CHST6: variants seen among roughly 807,000 people sequenced by gnomAD.
The protein encoded by CHST6 is N-acetylglucosamine 6-O-sulfotransferase 5.
For synonymous variants in CHST6, 309 were observed against 276.4 expected (o/e 1.12, Z -1.17); for missense variants, 698 against 586.2 (o/e 1.19, Z -1.97).
In CHST6 at chr16:75,488,309, C is replaced by T. The variant is rs142505176; in HGVS notation, c.-91-6418G>A. The stretch of plus-strand genomic sequence containing the variant: ...TGAAACCTCGTCTCTACTAAAAATA[C>T]AAAAATTAGCCACCATGGTGGCAGG... On this transcript the variant is annotated intron_variant, in intron 1 of 2. Transcript: ENST00000332272. Among the ~76,000 whole-genome samples, 742 of 151,826 alleles carry T rather than the reference C, an allele frequency of 4.9e-3. 9 individuals carry two copies. Among genetic ancestry groups the T allele is most frequent in the African/African-American group, 0.017 (713 of 41,400 alleles).
rs2080103895 is a variant in CHST6 at position 75,479,115 on chromosome 16, G to T, written c.714C>A (p.Gly238=). 1.9e-6 allele frequency: 3 copies of T among 1,605,182 alleles called. No individual in the cohort carries two copies. The East Asian group carries it at 6.7e-5, about 36-fold the overall frequency. Residue 238 remains glycine (G), a synonymous_variant, in exon 3 of 3, where the codon GGC becomes GGA. Coordinates refer to ENST00000332272, the MANE Select transcript of CHST6 (RefSeq NM_021615.5). Reference sequence around the variant, plus strand: ...GGCACACCTCGCGCACCACGCGCAGGCCGGGGTCGGCCTCCACCCACGTGC... The same window carrying T: ...GGCACACCTCGCGCACCACGCGCAGTCCGGGGTCGGCCTCCACCCACGTGC... The part of the protein sequence containing the change: ...TNGTWVEADP[G]LRVVREVCRS...
chr16:75,490,797 T>G (rs2080245009), intron 1 of CHST6: 1 of 152,246 alleles, frequency 6.6e-6, no homozygotes, highest in East Asian at 1.9e-4. Flanking sequence ...CATGAAAACC[T>G]GCTCATGAAT....
chr16:75,474,433 C>A lies in CHST6; in HGVS notation c.*4208G>T, dbSNP rs866698531. 7 of 391,054 alleles carry A rather than the reference C, an allele frequency of 1.8e-5. No individual in the cohort carries two copies. The highest frequency in any genetic ancestry group is 8.9e-5 in the Admixed American group (2 of 22,484). The allele number at this position is 391,054 out of a possible 1,614,324, so 24.2% of individuals were successfully genotyped here. ...AGGACTACAGGTGCACGACACCATG[C>A]CCTGCTAATTTTTTTTTAACTTTGT... On this transcript the variant is annotated 3_prime_UTR_variant, in exon 3 of 3. Coordinates refer to ENST00000332272, the MANE Select transcript of CHST6 (RefSeq NM_021615.5).
rs963751862 is a variant in CHST6 at position 75,479,978 on chromosome 16, A to G, written c.-16-134T>C. 7 of 740,952 alleles carry G rather than the reference A, an allele frequency of 9.4e-6. No homozygotes were observed. In the African/African-American group the frequency reaches 1.2e-4, roughly 13 times the overall value. 45.9% of individuals were successfully genotyped at this position (740,952 alleles called of 1,614,324 possible). A position where few individuals can be genotyped will look rare whatever the true frequency, so the allele number is the denominator to read the frequency against. ...CATGAACATGATGGTCTCAGTGGGG[A>G]GCTCTCCCGGAAATGTGGCCTTAAG... On this transcript the variant is annotated intron_variant, in intron 2 of 2. Transcript: ENST00000332272.
rs763660246 is a variant in CHST6, at chr16:75,478,618, G to T, written c.*23C>A. On this transcript the variant is annotated 3_prime_UTR_variant, in exon 3 of 3. Transcript: ENST00000332272. Reference sequence around the variant, plus strand: ...CATGCACTCTCCTCCCGGGCCTAGCGCCTGCTACAACTGTGGCCTCCACTA... The same window carrying T: ...CATGCACTCTCCTCCCGGGCCTAGCTCCTGCTACAACTGTGGCCTCCACTA... 3 of 1,608,786 alleles carry T rather than the reference G, an allele frequency of 1.9e-6. No individual in the cohort carries two copies. The highest frequency in any genetic ancestry group is 2.2e-5 in the South Asian group (2 of 90,782).
intron 1 of CHST6, among the ~76,000 whole-genome samples, chr16:75,487,897 G>A (rs1597482068): frequency 6.6e-6 from 1 of 151,908 alleles, no homozygotes; most frequent in African/African-American, 2.4e-5. Flanking sequence ...TCGGGAGGCG[G>A]AGTCAGGAGA....
Position 75,479,344 on chromosome 16 carries a change from C to G in CHST6, c.485G>C (p.Arg162Pro). 1 of 1,612,754 alleles carries G rather than the reference C, an allele frequency of 6.2e-7. No individual in the cohort carries two copies. The highest frequency in any genetic ancestry group is 1.3e-5 in the African/African-American group (1 of 75,050). Residue 162 changes from arginine (R) to proline (P), a missense_variant, in exon 3 of 3, where the codon CGG becomes CCG. Arg to Pro is a moderately radical substitution (Grantham distance 103). Transcript: ENST00000332272. ...LCARQSFTLA[R>P]EACRSYSHVV... ...GTGGCTGTAGGAGCGGCAGGCCTCC[C>G]GGGCCAGGGTGAAGGACTGCCGCGC...
At chr16:75,485,809 G>A (rs985775194) in intron 1 of CHST6, among the ~76,000 whole-genome samples, 2 of 152,086 alleles carry the variant, frequency 1.3e-5, no homozygotes, top group Non-Finnish European at 2.9e-5. Context: ...GCTATGTGAC[G>A]GTCAAGGGAC....
At position 75,478,570 on chromosome 16, in the gene CHST6, G is replaced by A. The variant is rs971648724; in HGVS notation, c.*71C>T. The A allele has an allele frequency of 4.0e-6, 6 of 1,504,008 alleles. No homozygotes were observed. The highest frequency in any genetic ancestry group is 5.6e-6 in the Non-Finnish European group (6 of 1,081,056). The allele number at this position is 1,504,008 out of a possible 1,614,324, so 93.2% of individuals were successfully genotyped here. On this transcript the variant is annotated 3_prime_UTR_variant, in exon 3 of 3. Transcript: ENST00000332272. Reference sequence around the variant, plus strand: ...GGTCAATATAGGGACCTGCTTCTCCGTGCGCCCCAGCCCCCTCTGCACCAT... The same window carrying A: ...GGTCAATATAGGGACCTGCTTCTCCATGCGCCCCAGCCCCCTCTGCACCAT...
intron 2 of CHST6, 99 bp from the exon 3 acceptor site, chr16:75,479,943 C>T: frequency 1.0e-6 from 1 of 986,456 alleles, no homozygotes; most frequent in Non-Finnish European, 1.5e-6. Flanking sequence ...ACCACCAGAC[C>T]CGAGCATCCC....
At chr16:75,487,383 G>A (rs778385276) in intron 1 of CHST6, among the ~76,000 whole-genome samples, 9 of 152,180 alleles carry the variant, frequency 5.9e-5, no homozygotes, top group Non-Finnish European at 1.3e-4. Context: ...AGCAGCTCCA[G>A]GCCGGGAGTG....
chr16:75,485,068 A>G (rs927902251), intron 1 of CHST6, among the ~76,000 whole-genome samples: 18 of 152,016 alleles, frequency 1.2e-4, no homozygotes, highest in Non-Finnish European at 2.2e-4. Flanking sequence ...TCCAACAAGT[A>G]ATTAATGGTG....
chr16:75,480,920 T>C lies in CHST6; in HGVS notation c.-17+897A>G, dbSNP rs371365090. Reference sequence around the variant, plus strand: ...ACTCCAGCCTGGGCAAGAGCAAAACTTCATTCCAAAAAAAAAAAAAAAAAA... The same window carrying C: ...ACTCCAGCCTGGGCAAGAGCAAAACCTCATTCCAAAAAAAAAAAAAAAAAA... On this transcript the variant is annotated intron_variant, in intron 2 of 2. Coordinates refer to ENST00000332272, the MANE Select transcript of CHST6 (RefSeq NM_021615.5). Among the ~76,000 whole-genome samples the C allele has an allele frequency of 3.5e-3, 375 of 105,754 alleles. 1 individual carries two copies. The highest frequency in any genetic ancestry group is 0.011 in the Middle Eastern group (2 of 188). 69.4% of individuals were successfully genotyped at this position (105,754 alleles called of 152,430 possible). A position where few individuals can be genotyped will look rare whatever the true frequency, so the allele number is the denominator to read the frequency against.
chr16:75,483,699 T>C (rs923107240), intron 1 of CHST6, among the ~76,000 whole-genome samples: 1 of 152,074 alleles, frequency 6.6e-6, no homozygotes, highest in Admixed American at 6.6e-5. Context: ...GACATGAATA[T>C]CCAGTAAGAA....
At position 75,479,278 on chromosome 16, in the gene CHST6, A is replaced by G; in HGVS notation, c.551T>C (p.Leu184Pro). 6.2e-7 allele frequency: 1 copy of G among 1,613,030 alleles called. No individual in the cohort carries two copies. Among genetic ancestry groups the G allele is most frequent in the South Asian group, 1.1e-5 (1 of 91,086 alleles). The change falls in exon 3 of 3, where the codon CTC becomes CCC. Residue 184 changes from leucine (L) to proline (P), a missense_variant. Coordinates refer to ENST00000332272, the MANE Select transcript of CHST6 (RefSeq NM_021615.5). ...KEVRFFNLQV[L>P]YPLLSDPALN... is the part of the protein sequence containing the mutation. ...CGCGGGGTCGCTGAGCAGCGGGTAG[A>G]GCACCTGCAGGTTGAAGAAGCGCAC... is the stretch of plus-strand genomic sequence containing the variant.
chr16:75,485,808 C>T (rs1250726586), intron 1 of CHST6, among the ~76,000 whole-genome samples: 5 of 152,104 alleles, frequency 3.3e-5, no homozygotes, highest in Non-Finnish European at 5.9e-5. Context: ...GGCTATGTGA[C>T]GGTCAAGGGA....
intron 1 of CHST6, among the ~76,000 whole-genome samples, chr16:75,483,907 C>T (rs2080167985): frequency 6.6e-6 from 1 of 151,972 alleles, no homozygotes; most frequent in Non-Finnish European, 1.5e-5. Context: ...ACCTGTAGTC[C>T]CAACTACTCA....
intron 1 of CHST6, among the ~76,000 whole-genome samples, chr16:75,491,190 A>AAATAT (rs1206595857): frequency 3.8e-4 from 19 of 50,088 alleles, no homozygotes; most frequent in East Asian, 1.5e-3. Flanking sequence ...AAAAAAAAAA[A>AAATAT]ATATATATAT....
At chr16:75,483,958 A>G (rs1194051636) in intron 1 of CHST6, among the ~76,000 whole-genome samples, 1 of 152,150 alleles carries the variant, frequency 6.6e-6, no homozygotes, top group Non-Finnish European at 1.5e-5. Context: ...TAGGAGGCAC[A>G]GGTTGCAGTG....
Sources: allele counts gnomAD v4.1 joint callset (sites outside exome capture counted in the v4.1 genomes callset), GRCh38; gene constraint gnomAD v4.1.1; transcripts MANE v1.5; gene names NCBI Gene and HGNC (gene_info 2026-07-23, HGNC 2026-07-21).